The following CDH23 variants were observed in gnomAD, a reference collection of about 807,000 sequenced individuals.
CDH23 encodes cadherin-23.
A neutral mutation model predicts 317.1 loss-of-function variants in CDH23; 189 were observed. That is an observed-to-expected ratio of 0.60 (90% CI 0.53 to 0.67). The LOEUF is 0.67. Ranked by LOEUF, CDH23 falls within the 30% of genes least tolerant of loss-of-function variation. CDH23 has a pLI of 0.00. For missense variants in CDH23, 4,401 were observed against 4,592.4 expected (o/e 0.96, Z 1.20); for synonymous variants, 1,839 against 1,876.8 (o/e 0.98, Z 0.52).
intron 38 of CDH23, among the ~76,000 whole-genome samples, chr10:71,765,437 G>A (rs1044808743): frequency 1.3e-5 from 2 of 152,208 alleles, no homozygotes; most frequent in African/African-American, 4.8e-5. Context: ...GTGGGGTTGG[G>A]GGCCCTCAAG....
chr10:71,728,194 C>G (rs528369654), intron 30 of CDH23, among the ~76,000 whole-genome samples: 119 of 152,260 alleles, frequency 7.8e-4, no homozygotes, highest in African/African-American at 2.7e-3. Context: ...CAAACTCCCC[C>G]CCGCACCCAC....
chr10:71,798,595 T>C lies in CDH23; in HGVS notation c.7054+17T>C. ...CCTCGGCAGGTAGGTTAGAAATCTG[T>C]CAGAGGAGGGCTGGGGGACATATAT... On this transcript the variant is annotated intron_variant, in intron 50 of 69. Coordinates refer to ENST00000224721, the MANE Select transcript of CDH23 (RefSeq NM_022124.6). 3 of 1,581,412 alleles carry C rather than the reference T, an allele frequency of 1.9e-6. No homozygotes were observed. Among genetic ancestry groups the C allele is most frequent in the Non-Finnish European group, 2.6e-6 (3 of 1,159,628 alleles).
At chr10:71,729,386 T>C (rs567781682) in intron 30 of CDH23, among the ~76,000 whole-genome samples, 2 of 152,090 alleles carry the variant, frequency 1.3e-5, no homozygotes, top group Non-Finnish European at 2.9e-5. Context: ...CAGCAAAGTG[T>C]CATGGAGGGA....
intron 14 of CDH23, among the ~76,000 whole-genome samples, chr10:71,660,442 G>T (rs1420381858): frequency 1.3e-5 from 2 of 152,028 alleles, no homozygotes; most frequent in Non-Finnish European, 2.9e-5. Flanking sequence ...CCACCCCTAG[G>T]GTGTGTCCCT....
intron 6 of CDH23, among the ~76,000 whole-genome samples, chr10:71,558,322 T>A (rs1287602651): frequency 5.3e-5 from 8 of 152,210 alleles, no homozygotes; most frequent in African/African-American, 1.9e-4. Context: ...CCTCTGGAAT[T>A]CCTATTAGTT....
chr10:71,644,474 A>G (rs1344701092), intron 12 of CDH23, among the ~76,000 whole-genome samples: 1 of 152,260 alleles, frequency 6.6e-6, no homozygotes, highest in Non-Finnish European at 1.5e-5. Flanking sequence ...CCAGGGGCCC[A>G]TGAATCTTGT....
At position 71,815,777 on chromosome 10, in the gene CDH23, G is replaced by A. The variant is rs753296323; in HGVS notation, c.*499G>A. On this transcript the variant is annotated 3_prime_UTR_variant, in exon 70 of 70. Transcript: ENST00000224721. ...CTCTGCTGGACGTCCAGGTGGAGGT[G>A]GCATCCCCACGTGGACAAGAAAGTC... The A allele has an allele frequency of 3.8e-5, 6 of 157,180 alleles. No individual in the cohort carries two copies. The highest frequency in any genetic ancestry group is 8.4e-5 in the Non-Finnish European group (6 of 71,162). The allele number at this position is 157,180 out of a possible 1,614,324, so 9.7% of individuals were successfully genotyped here.
Position 71,806,002 on chromosome 10 carries a change from G to A in CDH23, c.8064+5G>A. 1 of 1,606,398 alleles carries A rather than the reference G, an allele frequency of 6.2e-7. No homozygotes were observed. On this transcript the variant is annotated splice_donor_5th_base_variant and intron_variant, in intron 56 of 69. Coordinates refer to ENST00000224721, the MANE Select transcript of CDH23 (RefSeq NM_022124.6). ...GAGTCGCAGGCGGTGTACAGCGTAA[G>A]GGCGGGGCCCGGTGCGAGGGGCGGG...
intron 31 of CDH23, 27 bp downstream of exon 31, chr10:71,730,631 A>T: frequency 6.2e-7 from 1 of 1,612,694 alleles, no homozygotes; most frequent in Non-Finnish European, 8.5e-7. Flanking sequence ...GAAGCCGGGG[A>T]TCCCATTGCT....
intron 11 of CDH23, among the ~76,000 whole-genome samples, chr10:71,640,247 C>G (rs1589287509): frequency 1.3e-5 from 2 of 152,226 alleles, no homozygotes; most frequent in South Asian, 2.1e-4. Flanking sequence ...CAGTCCCTCA[C>G]TGTTGACCTC....
In CDH23 at chr10:71,803,203, T is replaced by A; in HGVS notation, c.7661-6T>A. 1 of 1,608,510 alleles carries A rather than the reference T, an allele frequency of 6.2e-7. No homozygotes were observed. Among genetic ancestry groups the A allele is most frequent in the Non-Finnish European group, 8.5e-7 (1 of 1,177,026 alleles). On this transcript the variant is annotated splice_polypyrimidine_tract_variant and splice_region_variant and intron_variant, in intron 54 of 69. Transcript: ENST00000224721. ...ACCAGAGCTACTCTCCTGCTCCCAC[T>A]GCCAGAGGCCTTCCATGTGGACATG...
At position 71,779,252 on chromosome 10, in the gene CDH23, T is replaced by C; in HGVS notation, c.5188-15T>C. 6.2e-7 allele frequency: 1 copy of C among 1,613,798 alleles called. No individual in the cohort carries two copies. The highest frequency in any genetic ancestry group is 1.6e-4 in the Middle Eastern group (1 of 6,062). On this transcript the variant is annotated splice_polypyrimidine_tract_variant and intron_variant, in intron 40 of 69. Coordinates refer to ENST00000224721, the MANE Select transcript of CDH23 (RefSeq NM_022124.6). The stretch of plus-strand genomic sequence containing the variant: ...GCTGGGGTGAGGCCTTGGCTAAGCT[T>C]TTCCACCATCTCAGGTGCTTGTGAA...
chr10:71,641,410 G>A (rs572924127), intron 11 of CDH23, among the ~76,000 whole-genome samples: 3 of 152,294 alleles, frequency 2.0e-5, no homozygotes, highest in South Asian at 4.1e-4. Context: ...GAGTGGCTCC[G>A]TCTCGCTCAT....
intron 6 of CDH23, among the ~76,000 whole-genome samples, chr10:71,526,721 G>A (rs1025690440): frequency 2.0e-5 from 3 of 152,184 alleles, no homozygotes; most frequent in Non-Finnish European, 2.9e-5. Flanking sequence ...TAATAATAAC[G>A]ATCATGGAGA....
In CDH23 at chr10:71,759,890, C is replaced by CACACACACACATAT. The variant is rs1564779272; in HGVS notation, c.4846-17781_4846-17780insCATATACACACACA. 2.2e-4 allele frequency among the ~76,000 whole-genome samples: 7 copies of CACACACACACATAT among 32,454 alleles called. 3 individuals are homozygous for CACACACACACATAT. Among genetic ancestry groups the CACACACACACATAT allele is most frequent in the Admixed American group, 1.5e-3 (4 of 2,686 alleles). The allele number at this position is 32,454 out of a possible 152,430, so 21.3% of individuals were successfully genotyped here. A position where few individuals can be genotyped will look rare whatever the true frequency, so the allele number is the denominator to read the frequency against. On this transcript the variant is annotated intron_variant, in intron 38 of 69. Transcript: ENST00000224721. ...ATATATATACACACACACACATATA[C>CACACACACACATAT]ACACACACATATATACACACACACA...
intron 14 of CDH23, among the ~76,000 whole-genome samples, chr10:71,650,763 C>T (rs1233402069): frequency 1.3e-5 from 2 of 152,218 alleles, no homozygotes; most frequent in Non-Finnish European, 2.9e-5. Context: ...TTCACACCTT[C>T]CAGTCCTGCC....
At chr10:71,733,492 G>A (rs918337578) in intron 32 of CDH23, among the ~76,000 whole-genome samples, 4 of 152,114 alleles carry the variant, frequency 2.6e-5, no homozygotes, top group African/African-American at 4.8e-5. Flanking sequence ...AGCCCCAACC[G>A]AGGACCCCAC....
intron 14 of CDH23, among the ~76,000 whole-genome samples, chr10:71,655,616 T>TC (rs542140041): frequency 8.7e-4 from 133 of 152,032 alleles, no homozygotes; most frequent in African/African-American, 3.1e-3. Context: ...AAGTGTTCCT[T>TC]CCCCACGCCA....
intron 6 of CDH23, among the ~76,000 whole-genome samples, chr10:71,515,645 G>A (rs918809504): frequency 1.3e-5 from 2 of 152,080 alleles, no homozygotes; most frequent in Non-Finnish European, 2.9e-5. Flanking sequence ...TCCCAACTGT[G>A]TGACTTTAGA....
Sources: allele counts gnomAD v4.1 joint callset (sites outside exome capture counted in the v4.1 genomes callset), GRCh38; gene constraint gnomAD v4.1.1; transcripts MANE v1.5; gene names NCBI Gene and HGNC (gene_info 2026-07-23, HGNC 2026-07-21).